TBC1D22A: variants seen among roughly 807,000 people sequenced by gnomAD.
The protein encoded by TBC1D22A is putative GTPase activator.
A neutral mutation model predicts 60.2 loss-of-function variants in TBC1D22A; 38 were observed. That is an observed-to-expected ratio of 0.63 (90% CI 0.49 to 0.83). The LOEUF (loss-of-function observed/expected upper bound fraction) is 0.83. Ranked by LOEUF, TBC1D22A falls within the 40% of genes least tolerant of loss-of-function variation. TBC1D22A has a pLI of 0.00. For missense variants in TBC1D22A, 628 were observed against 701.0 expected (o/e 0.90, Z 1.18); for synonymous variants, 302 against 281.7 (o/e 1.07, Z -0.72).
chr22:46,801,563 G>A (rs182855168), intron 4 of TBC1D22A, among the ~76,000 whole-genome samples: 14 of 152,358 alleles, frequency 9.2e-5, no homozygotes, highest in Admixed American at 2.6e-4. Context: ...TTGAAGCCCC[G>A]GAAAATGACA....
intron 11 of TBC1D22A, among the ~76,000 whole-genome samples, chr22:47,081,221 C>T (rs899005854): frequency 1.7e-4 from 26 of 151,780 alleles, no homozygotes; most frequent in African/African-American, 6.3e-4. Flanking sequence ...ATGTGACTGA[C>T]CACGTTAACA....
intron 9 of TBC1D22A, among the ~76,000 whole-genome samples, chr22:46,993,118 T>G (rs1179208965): frequency 6.6e-6 from 1 of 152,206 alleles, no homozygotes; most frequent in Non-Finnish European, 1.5e-5. Context: ...CAGGTTTGAC[T>G]CTGGGTACTT....
chr22:46,957,922 A>C (rs1440031411), intron 8 of TBC1D22A, among the ~76,000 whole-genome samples: 1 of 152,166 alleles, frequency 6.6e-6, no homozygotes, highest in East Asian at 1.9e-4. Flanking sequence ...GGTGGACTGG[A>C]GCTGGGGCAT....
At chr22:47,095,623 C>CT (rs3085324) in intron 11 of TBC1D22A, among the ~76,000 whole-genome samples, 33 of 151,938 alleles carry the variant, frequency 2.2e-4, no homozygotes, top group African/African-American at 2.7e-4. Flanking sequence ...AGGATTTCCC[C>CT]GTCTCCCAAC....
chr22:46,940,478 G>GTA (rs1344368530), intron 8 of TBC1D22A, among the ~76,000 whole-genome samples: 5 of 139,426 alleles, frequency 3.6e-5, no homozygotes, highest in African/African-American at 1.1e-4. Context: ...ATGTATGTAT[G>GTA]TATATATATA....
At chr22:46,951,848 C>T (rs1211358525) in intron 8 of TBC1D22A, among the ~76,000 whole-genome samples, 1 of 152,212 alleles carries the variant, frequency 6.6e-6, no homozygotes, top group Non-Finnish European at 1.5e-5. Context: ...CATCCCTGAG[C>T]ACATCCAGGT....
chr22:46,877,697 ATTTCT>A (rs2067631722), intron 4 of TBC1D22A, among the ~76,000 whole-genome samples: 1 of 152,256 alleles, frequency 6.6e-6, no homozygotes, highest in African/African-American at 2.4e-5. Flanking sequence ...CTCTTTAATC[ATTTCT>A]TTTATTCCCG....
chr22:47,099,107 C>T (rs2065307237), intron 11 of TBC1D22A, among the ~76,000 whole-genome samples: 1 of 152,188 alleles, frequency 6.6e-6, no homozygotes, highest in African/African-American at 2.4e-5. Context: ...AAAGTTCCAC[C>T]CTCAGAAAGC....
In TBC1D22A at chr22:47,135,617, C is replaced by T. The variant is rs771700640; in HGVS notation, c.1425+24014C>T. ...AGGCAAGGATGAGGGGCCTCGAGGC[C>T]GGGTCCCACAGGGCTGGTAGCCATG... On this transcript the variant is annotated intron_variant, in intron 12 of 12. Transcript: ENST00000337137. 8.8e-4 allele frequency among the ~76,000 whole-genome samples: 134 copies of T among 152,226 alleles called. 1 individual carries two copies. Among genetic ancestry groups the T allele is most frequent in the Middle Eastern group, 3.4e-3 (1 of 292 alleles).
intron 8 of TBC1D22A, among the ~76,000 whole-genome samples, chr22:46,936,251 G>A (rs1239326461): frequency 6.6e-6 from 1 of 152,208 alleles, no homozygotes; most frequent in Non-Finnish European, 1.5e-5. Flanking sequence ...GAGCCTCAGT[G>A]TGGTGGGTCC....
intron 8 of TBC1D22A, among the ~76,000 whole-genome samples, chr22:46,972,260 C>T (rs1294771238): frequency 6.6e-6 from 1 of 152,178 alleles, no homozygotes; most frequent in East Asian, 1.9e-4. Flanking sequence ...GCTTGTTTTC[C>T]CCTTTAATTC....
intron 12 of TBC1D22A, among the ~76,000 whole-genome samples, chr22:47,147,705 G>A (rs918048033): frequency 1.3e-5 from 2 of 152,248 alleles, no homozygotes; most frequent in African/African-American, 4.8e-5. Context: ...AGTGAGCCCC[G>A]CCGCAGGGCT....
intron 8 of TBC1D22A, among the ~76,000 whole-genome samples, chr22:46,966,567 CA>C (rs2073815397): frequency 6.6e-6 from 1 of 152,204 alleles, no homozygotes; most frequent in Admixed American, 6.5e-5. Context: ...ATTATTGAAA[CA>C]TTAAAGATCC....
chr22:46,967,721 A>T (rs1165109841), intron 8 of TBC1D22A, among the ~76,000 whole-genome samples: 1 of 152,220 alleles, frequency 6.6e-6, no homozygotes, highest in East Asian at 1.9e-4. Context: ...CATGTAGTTT[A>T]ATATGAGAGA....
intron 8 of TBC1D22A, among the ~76,000 whole-genome samples, chr22:46,960,459 G>A (rs1311291422): frequency 1.3e-5 from 2 of 152,010 alleles, no homozygotes; most frequent in Admixed American, 6.5e-5. Flanking sequence ...ACGGGTTTTC[G>A]CCATGTTGGC....
intron 11 of TBC1D22A, among the ~76,000 whole-genome samples, chr22:47,069,812 C>T (rs12158086): frequency 1.4e-4 from 11 of 80,428 alleles, no homozygotes; most frequent in Non-Finnish European, 2.6e-4. Flanking sequence ...TGACGGTTCC[C>T]GGCTGTTCCC....
intron 8 of TBC1D22A, among the ~76,000 whole-genome samples, chr22:46,943,423 T>C (rs2072303440): frequency 6.6e-6 from 1 of 152,244 alleles, no homozygotes; most frequent in South Asian, 2.1e-4. Flanking sequence ...ATTTGTGTTT[T>C]AGCTGGTGAG....
chr22:46,769,029 G>C (rs2083393473), intron 1 of TBC1D22A, among the ~76,000 whole-genome samples: 1 of 150,890 alleles, frequency 6.6e-6, no homozygotes, highest in African/African-American at 2.4e-5. Flanking sequence ...GGGAGGTGGA[G>C]GTTGCAGTGA....
At chr22:46,907,910 CGGG>C (rs2069606689) in intron 7 of TBC1D22A, among the ~76,000 whole-genome samples, 1 of 152,066 alleles carries the variant, frequency 6.6e-6, no homozygotes, top group Admixed American at 6.6e-5. Context: ...GTTTGGGAGA[CGGG>C]GATTCCAGGT....
Sources: allele counts gnomAD v4.1 joint callset (sites outside exome capture counted in the v4.1 genomes callset), GRCh38; gene constraint gnomAD v4.1.1; transcripts MANE v1.5; gene names NCBI Gene and HGNC (gene_info 2026-07-23, HGNC 2026-07-21).